Variants in KIF19 observed in about 807,000 individuals in gnomAD.
KIF19 encodes the protein kinesin family member 19, also known as kinesin-like protein KIF19.
A neutral mutation model predicts 106.6 loss-of-function variants in KIF19; 98 were observed. That is an observed-to-expected ratio of 0.92 (90% CI 0.78 to 1.09). The LOEUF (loss-of-function observed/expected upper bound fraction) is 1.09. Ranked by LOEUF, KIF19 falls within the 50% of genes least tolerant of loss-of-function variation. The pLI is 0.00. For synonymous variants in KIF19, 516 were observed against 584.2 expected (o/e 0.88, Z 1.68); for missense variants, 1,373 against 1,414.3 (o/e 0.97, Z 0.47).
chr17:74,340,300 A>G (rs1364801768), intron 2 of KIF19, among the ~76,000 whole-genome samples: 3 of 152,106 alleles, frequency 2.0e-5, no homozygotes, highest in Admixed American at 2.0e-4. Context: ...TGAATCTGGC[A>G]TTGTCTCTAT....
chr17:74,351,145 T>C (rs2054690573), intron 12 of KIF19: 2 of 552,868 alleles, frequency 3.6e-6, no homozygotes, highest in South Asian at 4.0e-5. Context: ...CATAAATGCC[T>C]GGCACATACC....
rs747788586 is a variant in KIF19, at chr17:74,352,941, C to T, written c.2101C>T (p.Leu701Phe). 3.7e-6 allele frequency: 6 copies of T among 1,613,882 alleles called. No individual in the cohort carries two copies. Among genetic ancestry groups the T allele is most frequent in the Non-Finnish European group, 4.2e-6 (5 of 1,179,866 alleles). ...QHLQNSALPP[L>F]STESEGHHVF... ...CCTGCAGAACAGCGCCCTCCCTCCCCTCAGCACAGAGAGGTGAGATGGGGG... is the reference window on the plus strand; with the variant it reads ...CCTGCAGAACAGCGCCCTCCCTCCCTTCAGCACAGAGAGGTGAGATGGGGG... Residue 701 changes from leucine (L) to phenylalanine (F), a missense_variant, in exon 15 of 20, where the codon CTC becomes TTC. Around this residue, in one of 3 missense-constraint regions of KIF19, gnomAD observed 1,020 missense variants for 1,008.2 expected, o/e 1.01. Coordinates refer to ENST00000389916, the MANE Select transcript of KIF19 (RefSeq NM_153209.4).
intron 1 of KIF19, 87 bp downstream of exon 1, chr17:74,326,475 C>T: frequency 7.6e-7 from 1 of 1,313,546 alleles, no homozygotes; most frequent in African/African-American, 1.5e-5. Context: ...CCCCTCGCCG[C>T]CACCCCACTG....
intron 3 of KIF19, 120 bp from the exon 4 acceptor site, chr17:74,342,510 A>G: frequency 1.7e-6 from 1 of 603,666 alleles, no homozygotes; most frequent in Non-Finnish European, 2.9e-6. Flanking sequence ...ACCCCCACTT[A>G]TCTTGGGGCT....
intron 2 of KIF19, among the ~76,000 whole-genome samples, chr17:74,338,477 C>G (rs114421185): frequency 1.3e-5 from 2 of 152,004 alleles, no homozygotes; most frequent in African/African-American, 4.8e-5. Context: ...ATCTAGAGCC[C>G]TCTCCTGTAA....
intron 6 of KIF19, 98 bp from the exon 7 acceptor site, chr17:74,344,663 C>T (rs1197972521): frequency 7.7e-7 from 1 of 1,300,412 alleles, no homozygotes; most frequent in Non-Finnish European, 1.1e-6. Context: ...CCCAACTGCT[C>T]AGACATAGGA....
rs1253458946 is a variant in KIF19 at position 74,354,909 on chromosome 17, CCAAAGT to C, written c.2839_2844del (p.Val947_Lys948del). On this transcript the variant is annotated inframe_deletion, in exon 19 of 20. Coordinates refer to ENST00000389916, the MANE Select transcript of KIF19 (RefSeq NM_153209.4). ...CTGGGAAAGGTCACGCTACCTTTGG[CCAAAGT>C]CAAACTCCCTCCAAGCCAGAACACG... 1 of 1,575,290 alleles carries C rather than the reference CCAAAGT, an allele frequency of 6.3e-7. No homozygotes were observed. The highest frequency in any genetic ancestry group is 8.6e-7 in the Non-Finnish European group (1 of 1,160,682).
chr17:74,341,868 C>T lies in KIF19; in HGVS notation c.121-8C>T, dbSNP rs1473568936. 6.2e-7 allele frequency: 1 copy of T among 1,610,024 alleles called. No homozygotes were observed. Among genetic ancestry groups the T allele is most frequent in the South Asian group, 1.1e-5 (1 of 91,016 alleles). On this transcript the variant is annotated splice_polypyrimidine_tract_variant and splice_region_variant and intron_variant, in intron 2 of 19. Transcript: ENST00000389916. ...GTGACCGTGGGCCTCCCTCTGGGGA[C>T]CTTGCAGATGGTGGTTCTCATGGAC...
At position 74,354,458 on chromosome 17, in the gene KIF19, CT is replaced by C; in HGVS notation, c.2606del (p.Leu869ArgfsTer161). ...TCATGGGGACGGCCCCAGGCCCTGG[CT>C]GCGTGGCCAGAAGAAAAGCCTGGGC... ...GHHGDGPRPW[L>X]RGQKKSLGKK... On this transcript the variant is annotated frameshift_variant, in exon 18 of 20. Transcript: ENST00000389916. LOFTEE classifies it high-confidence loss of function. 1 of 1,609,894 alleles carries C rather than the reference CT, an allele frequency of 6.2e-7. No individual in the cohort carries two copies. The highest frequency in any genetic ancestry group is 8.5e-7 in the Non-Finnish European group (1 of 1,178,610).
At position 74,337,935 on chromosome 17, in the gene KIF19, C is replaced by T. The variant is rs533727044; in HGVS notation, c.121-3941C>T. ...TAGGGTGATGCTCTCGAGGGTGGGG[C>T]GGGGGCTGGAGCCCGGACAGATGGA... On this transcript the variant is annotated intron_variant, in intron 2 of 19. Coordinates refer to ENST00000389916, the MANE Select transcript of KIF19 (RefSeq NM_153209.4). 5.3e-5 allele frequency among the ~76,000 whole-genome samples: 8 copies of T among 152,298 alleles called. 1 individual carries two copies. Among genetic ancestry groups the T allele is most frequent in the East Asian group, 1.9e-4 (1 of 5,170 alleles).
intron 2 of KIF19, among the ~76,000 whole-genome samples, chr17:74,341,056 C>G (rs541217158): frequency 6.6e-6 from 1 of 152,112 alleles, no homozygotes; most frequent in Admixed American, 6.5e-5. Flanking sequence ...TGTGTGAGGC[C>G]GGGTGTGGTG....
chr17:74,328,444 C>G lies in KIF19; in HGVS notation c.59C>G (p.Pro20Arg). 6.2e-7 allele frequency: 1 copy of G among 1,610,714 alleles called. No homozygotes were observed. Among genetic ancestry groups the G allele is most frequent in the Non-Finnish European group, 8.5e-7 (1 of 1,178,906 alleles). ...QQLMVALRVR[P>R]ISVAELEEGA... ...TCCCAGGTGGCGCTTCGGGTCCGGC[C>G]CATCAGCGTGGCAGAGCTGGAGGAA... The change falls in exon 2 of 20, where the codon CCC becomes CGC. Residue 20 changes from proline (P) to arginine (R), a missense_variant. Transcript: ENST00000389916.
chr17:74,336,772 T>A (rs2054228444), intron 2 of KIF19, among the ~76,000 whole-genome samples: 1 of 152,204 alleles, frequency 6.6e-6, no homozygotes, highest in African/African-American at 2.4e-5. Context: ...TTAACCCAAC[T>A]GATTCCTCAT....
At chr17:74,337,713 C>T (rs2054257272) in intron 2 of KIF19, among the ~76,000 whole-genome samples, 2 of 152,298 alleles carry the variant, frequency 1.3e-5, no homozygotes, top group African/African-American at 2.4e-5. Flanking sequence ...CCTTGAGGGT[C>T]GGAAGGCAGG....
chr17:74,332,199 TG>T (rs1457381132), intron 2 of KIF19, among the ~76,000 whole-genome samples: 5 of 71,820 alleles, frequency 7.0e-5, no homozygotes, highest in Non-Finnish European at 8.1e-5. Context: ...TGTGTGTGTG[TG>T]TGTGTGTGTT....
At chr17:74,337,889 G>T (rs769904338) in intron 2 of KIF19, among the ~76,000 whole-genome samples, 1 of 152,224 alleles carries the variant, frequency 6.6e-6, no homozygotes, top group Non-Finnish European at 1.5e-5. Context: ...GGGCTCCATT[G>T]TGTGCTAGAG....
chr17:74,346,982 C>T lies in KIF19; in HGVS notation c.924+458C>T, dbSNP rs114996942. Reference sequence around the variant, plus strand: ...GGCTGGTCTCTTGAATTCAGTACTTCACTCTATTAGCTCCTTAGATCTCGT... The same window carrying T: ...GGCTGGTCTCTTGAATTCAGTACTTTACTCTATTAGCTCCTTAGATCTCGT... On this transcript the variant is annotated intron_variant, in intron 8 of 19. Transcript: ENST00000389916. The surrounding 1 kb of genome is among the most constrained non-coding windows in gnomAD (Gnocchi z 4.6). Among the ~76,000 whole-genome samples, 1,467 of 152,306 alleles carry T rather than the reference C, an allele frequency of 9.6e-3. 23 individuals carry two copies. The highest frequency in any genetic ancestry group is 0.034 in the African/African-American group (1,396 of 41,566).
At chr17:74,341,704 CT>C (rs2054377872) in intron 2 of KIF19, among the ~76,000 whole-genome samples, 171 bp from the exon 3 acceptor site, 1 of 152,196 alleles carries the variant, frequency 6.6e-6, no homozygotes, top group South Asian at 2.1e-4. Context: ...CCTCTGGCCC[CT>C]CCCATCTCTT....
Position 74,346,830 on chromosome 17 carries a change from T to C in KIF19, c.924+306T>C, listed in dbSNP as rs2054545416. Among the ~76,000 whole-genome samples, 1 of 152,162 alleles carries C rather than the reference T, an allele frequency of 6.6e-6. No individual in the cohort carries two copies. The highest frequency in any genetic ancestry group is 2.4e-5 in the African/African-American group (1 of 41,430). On this transcript the variant is annotated intron_variant, in intron 8 of 19. Transcript: ENST00000389916. This position sits in a 1 kb window ranked among gnomAD's most constrained non-coding sequence, Gnocchi z 4.6. ...CCCAGGGCTGTGGGTCAGAGCCGTC[T>C]AGATTTGGGGGTGCAGGTGGGCAGT...
Sources: allele counts gnomAD v4.1 joint callset (sites outside exome capture counted in the v4.1 genomes callset), GRCh38; gene constraint gnomAD v4.1.1; regional missense constraint gnomAD v4.1.1; non-coding constraint Gnocchi (gnomAD v3.1); transcripts MANE v1.5; gene names NCBI Gene and HGNC (gene_info 2026-07-23, HGNC 2026-07-21).